Variants in SP1 observed in about 807,000 individuals in gnomAD.
SP1 encodes the protein transcription factor Sp1.
SP1 carries 6 observed loss-of-function variants against 66.3 expected under a neutral mutation model. The ratio of observed to expected loss-of-function variants is 0.09; its 90% CI spans 0.05 to 0.18. The LOEUF is 0.18. SP1 is among the 10% of genes least tolerant of loss of function. SP1 has a pLI of 1.00. For missense variants in SP1, 848 were observed against 964.5 expected (o/e 0.88, Z 1.60); for synonymous variants, 417 against 360.8 (o/e 1.16, Z -1.77).
chr12:53,381,755 T>A lies in SP1; in HGVS notation c.104T>A (p.Phe35Tyr), dbSNP rs1938103608. 1.9e-6 allele frequency: 3 copies of A among 1,614,106 alleles called. No homozygotes were observed. The highest frequency in any genetic ancestry group is 2.5e-6 in the Non-Finnish European group (3 of 1,180,006). Residue 35 changes from phenylalanine (F) to tyrosine (Y), a missense_variant, in exon 2 of 6, where the codon TTT becomes TAT. Physicochemically the swap from Phe to Tyr is conservative, Grantham distance 22. This residue lies in a region of SP1 where 84 missense variants were observed against 73.9 expected (regional missense o/e 1.14). Transcript: ENST00000327443. ...NGGNGNGGGA[F>Y]SQARSSSTGS... ...GGCAATGGTAATGGTGGTGGTGCCTTTTCACAGGCTCGAAGTAGCAGCACA... is the reference window on the plus strand; with the variant it reads ...GGCAATGGTAATGGTGGTGGTGCCTATTCACAGGCTCGAAGTAGCAGCACA...
Position 53,414,265 on chromosome 12 carries a change from A to T in SP1, c.*3025A>T, listed in dbSNP as rs1184566251. 6.6e-6 allele frequency: 1 copy of T among 152,620 alleles called. No homozygotes were observed. Among genetic ancestry groups the T allele is most frequent in the Non-Finnish European group, 1.5e-5 (1 of 68,044 alleles). 9.5% of individuals were successfully genotyped at this position (152,620 alleles called of 1,614,324 possible). A position where few individuals can be genotyped will look rare whatever the true frequency, so the allele number is the denominator to read the frequency against. ...ATGCCCAGAAGAGTGGTGAGATAGTAAAACACTTATTCCCTCATCCTTTCA... is the reference window on the plus strand; with the variant it reads ...ATGCCCAGAAGAGTGGTGAGATAGTTAAACACTTATTCCCTCATCCTTTCA... On this transcript the variant is annotated 3_prime_UTR_variant, in exon 6 of 6. Coordinates refer to ENST00000327443, the MANE Select transcript of SP1 (RefSeq NM_138473.3).
rs1200817211 is a variant in SP1 at position 53,382,770 on chromosome 12, G to C, written c.823G>C (p.Ala275Pro). The C allele has an allele frequency of 1.9e-6, 3 of 1,614,178 alleles. No individual in the cohort carries two copies. The highest frequency in any genetic ancestry group is 2.5e-6 in the Non-Finnish European group (3 of 1,180,032). ...GCTACCTGTCAACAGCGTTTCTGCAGCTACCTTGACTCCCAGCTCTCAGGC... is the reference window on the plus strand; with the variant it reads ...GCTACCTGTCAACAGCGTTTCTGCACCTACCTTGACTCCCAGCTCTCAGGC... ...TLLPVNSVSA[A>P]TLTPSSQAVT... Residue 275 changes from alanine (A) to proline (P), a missense_variant, in exon 3 of 6, where the codon GCT becomes CCT. Ala to Pro is a conservative substitution (Grantham distance 27, BLOSUM62 -1). Around this residue, in one of 7 missense-constraint regions of SP1, gnomAD observed 606 missense variants for 589.9 expected, o/e 1.03. Coordinates refer to ENST00000327443, the MANE Select transcript of SP1 (RefSeq NM_138473.3).
chr12:53,384,028 G>T (rs1162655276), intron 3 of SP1, among the ~76,000 whole-genome samples: 1 of 149,734 alleles, frequency 6.7e-6, no homozygotes, highest in African/African-American at 2.5e-5. Flanking sequence ...GGAGTGCAGT[G>T]GCGCGATCTC....
intron 3 of SP1, among the ~76,000 whole-genome samples, chr12:53,385,948 G>T (rs1159720872): frequency 6.6e-6 from 1 of 151,958 alleles, no homozygotes; most frequent in East Asian, 1.9e-4. Context: ...AATTTTACCT[G>T]TTTGTAGAAC....
rs1467244083 is a variant in SP1, at chr12:53,410,583, C to CA, written c.2045-342dup. On this transcript the variant is annotated intron_variant, in intron 5 of 5. Coordinates refer to ENST00000327443, the MANE Select transcript of SP1 (RefSeq NM_138473.3). Reference sequence around the variant, plus strand: ...GCAGTGGCGCGATCTCGGCTCACTGCAAGCTCCGCCTCCCGGGTCCACGCC... The same window carrying CA: ...GCAGTGGCGCGATCTCGGCTCACTGCAAAGCTCCGCCTCCCGGGTCCACGCC... Among the ~76,000 whole-genome samples, 3 of 151,882 alleles carry CA rather than the reference C, an allele frequency of 2.0e-5. No individual in the cohort carries two copies. The East Asian group carries it at 5.9e-4, about 30-fold the overall frequency.
chr12:53,386,613 T>C (rs911713929), intron 3 of SP1, among the ~76,000 whole-genome samples: 13 of 149,722 alleles, frequency 8.7e-5, no homozygotes, highest in African/African-American at 3.2e-4. Flanking sequence ...TGCCTCAGCC[T>C]CCCAGGTAGC....
At chr12:53,390,631 C>T (rs752168308) in intron 3 of SP1, among the ~76,000 whole-genome samples, 4 of 151,750 alleles carry the variant, frequency 2.6e-5, no homozygotes, top group African/African-American at 9.7e-5. Context: ...TGCAGTGAGC[C>T]GGGATCGCAC....
intron 3 of SP1, among the ~76,000 whole-genome samples, chr12:53,386,913 A>G (rs940106302): frequency 6.6e-6 from 1 of 151,708 alleles, no homozygotes; most frequent in African/African-American, 2.4e-5. Context: ...TAATATCACC[A>G]AATAATATCA....
rs953513435 is a variant in SP1 at position 53,381,916 on chromosome 12, A to G, written c.162+103A>G. The G allele has an allele frequency of 2.8e-5, 38 of 1,336,096 alleles. 2 individuals carry two copies. The South Asian group carries it at 5.2e-4, about 18-fold the overall frequency. 82.8% of individuals were successfully genotyped at this position (1,336,096 alleles called of 1,614,324 possible). On this transcript the variant is annotated intron_variant, in intron 2 of 5. Transcript: ENST00000327443. ...AAGCGTTTTAGGGAGAGACTAAACC[A>G]TTTTATAGATAAGGAAGTAAGAGAA...
Position 53,415,621 on chromosome 12 carries a change from CCTAG to C in SP1, c.*4385_*4388del. Reference sequence around the variant, plus strand: ...GATCTGCCTCTCAACTGCCCTAAGTCCTAGCTAAGTATCAGGGGAAAAAAAAAAA... The same window carrying C: ...GATCTGCCTCTCAACTGCCCTAAGTCCTAAGTATCAGGGGAAAAAAAAAAA... On this transcript the variant is annotated 3_prime_UTR_variant, in exon 6 of 6. Coordinates refer to ENST00000327443, the MANE Select transcript of SP1 (RefSeq NM_138473.3). 6.6e-6 allele frequency: 1 copy of C among 150,748 alleles called. No individual in the cohort carries two copies. Among genetic ancestry groups the C allele is most frequent in the Admixed American group, 6.7e-5 (1 of 15,022 alleles). 9.3% of individuals were successfully genotyped at this position (150,748 alleles called of 1,614,324 possible).
At chr12:53,381,998 TC>T in intron 2 of SP1, 111 bp from the exon 3 acceptor site, 5 of 1,209,684 alleles carry the variant, frequency 4.1e-6, no homozygotes, top group Non-Finnish European at 5.8e-6. Context: ...GCTTTTTGTT[TC>T]TGTTTTTTGC....
chr12:53,407,327 A>AG (rs993233119), intron 4 of SP1, among the ~76,000 whole-genome samples: 5 of 151,700 alleles, frequency 3.3e-5, no homozygotes, highest in African/African-American at 4.8e-5. Flanking sequence ...TGAAAAAAAA[A>AG]AAAATTTTTT....
chr12:53,403,591 A>G (rs1175942973), intron 3 of SP1, among the ~76,000 whole-genome samples: 2 of 151,724 alleles, frequency 1.3e-5, no homozygotes, highest in African/African-American at 2.4e-5. Context: ...CTGGGCTCAA[A>G]GAATCCTCCT....
chr12:53,397,699 G>A (rs1356482266), intron 3 of SP1, among the ~76,000 whole-genome samples: 2 of 151,070 alleles, frequency 1.3e-5, no homozygotes, highest in Admixed American at 6.6e-5. Flanking sequence ...GATTACAGGC[G>A]CCTGCCACCG....
Position 53,381,720 on chromosome 12 carries a change from C to T in SP1, c.69C>T (p.Gly23=). 5.0e-6 allele frequency: 8 copies of T among 1,613,786 alleles called. No homozygotes were observed. The highest frequency in any genetic ancestry group is 6.8e-6 in the Non-Finnish European group (8 of 1,179,810). Residue 23 remains glycine (G), a synonymous_variant, in exon 2 of 6, where the codon GGC becomes GGT. Coordinates refer to ENST00000327443, the MANE Select transcript of SP1 (RefSeq NM_138473.3). ...TGAAAATTGAAAAAGGAGTTGGTGG[C>T]AATAATGGGGGCAATGGTAATGGTG... ...AVVKIEKGVG[G]NNGGNGNGGG...
At chr12:53,381,132 A>G (rs1468833969) in intron 1 of SP1, among the ~76,000 whole-genome samples, 1 of 151,520 alleles carries the variant, frequency 6.6e-6, no homozygotes, top group Non-Finnish European at 1.5e-5. Context: ...TTGTATTTTT[A>G]GTAGAGACAG....
At chr12:53,400,717 T>G (rs1221860995) in intron 3 of SP1, among the ~76,000 whole-genome samples, 2 of 150,688 alleles carry the variant, frequency 1.3e-5, no homozygotes, top group African/African-American at 2.4e-5. Flanking sequence ...GCCTCCGGAG[T>G]AGCTGGGATT....
chr12:53,384,579 C>G (rs1226936919), intron 3 of SP1, among the ~76,000 whole-genome samples: 1 of 152,228 alleles, frequency 6.6e-6, no homozygotes, highest in Non-Finnish European at 1.5e-5. Context: ...AGCCACTGCA[C>G]CCAGCCACAT....
chr12:53,413,171 C>T lies in SP1; in HGVS notation c.*1931C>T, dbSNP rs1938930303. 6.6e-6 allele frequency: 1 copy of T among 152,412 alleles called. No homozygotes were observed. Among genetic ancestry groups the T allele is most frequent in the Admixed American group, 6.6e-5 (1 of 15,252 alleles). The allele number at this position is 152,412 out of a possible 1,614,324, so 9.4% of individuals were successfully genotyped here. ...ATTCAGATCAAAATGCCTTTCAGGC[C>T]CATTACCTAGAAATCTATCTTAAAA... is the stretch of plus-strand genomic sequence containing the variant. On this transcript the variant is annotated 3_prime_UTR_variant, in exon 6 of 6. Transcript: ENST00000327443.
Sources: allele counts gnomAD v4.1 joint callset (sites outside exome capture counted in the v4.1 genomes callset), GRCh38; gene constraint gnomAD v4.1.1; regional missense constraint gnomAD v4.1.1; transcripts MANE v1.5; gene names NCBI Gene and HGNC (gene_info 2026-07-23, HGNC 2026-07-21).